Variants in NLGN1 observed in about 807,000 individuals in gnomAD.
The protein encoded by NLGN1 is neuroligin 1, also known as neuroligin-1.
A neutral mutation model predicts 65.5 loss-of-function variants in NLGN1; 12 were observed. The ratio of observed to expected loss-of-function variants is 0.18; its 90% confidence interval spans 0.12 to 0.30. The LOEUF is 0.30. NLGN1 is among the 10% of genes least tolerant of loss of function. The probability of loss-of-function intolerance (pLI) is 1.00; values close to 1 mark genes in which losing one functional copy is unlikely to be tolerated. For missense variants in NLGN1, 750 were observed against 1,007.1 expected (o/e 0.74, Z 3.46); for synonymous variants, 350 against 359.5 (o/e 0.97, Z 0.30).
chr3:173,516,317 A>G (rs767554536), intron 2 of NLGN1, among the ~76,000 whole-genome samples: 4 of 152,050 alleles, frequency 2.6e-5, no homozygotes, highest in Non-Finnish European at 5.9e-5. Flanking sequence ...TCTAATCCAT[A>G]CAACTCTCTT....
Position 174,146,092 on chromosome 3 carries a change from T to TC in NLGN1, c.647-129223_647-129222insC, listed in dbSNP as rs1491495875. 5.2e-5 allele frequency among the ~76,000 whole-genome samples: 7 copies of TC among 134,388 alleles called. No individual in the cohort carries two copies. The East Asian group carries it at 2.4e-3, about 45-fold the overall frequency. The allele number at this position is 134,388 out of a possible 152,430, so 88.2% of individuals were successfully genotyped here. On this transcript the variant is annotated intron_variant, in intron 4 of 6. Coordinates refer to ENST00000457714, the Ensembl canonical transcript of NLGN1. The stretch of plus-strand genomic sequence containing the variant: ...TATAACCTATTAATCTATTCTACTC[T>TC]TTTCCTTCCTTCCTTCCTTCCTTCC...
chr3:173,662,114 T>C (rs1560124387), intron 3 of NLGN1, among the ~76,000 whole-genome samples: 1 of 152,012 alleles, frequency 6.6e-6, no homozygotes. Context: ...GATAAACAAG[T>C]TATCTTTCAC....
chr3:173,822,401 T>C (rs1270798346), intron 4 of NLGN1, among the ~76,000 whole-genome samples: 1 of 152,140 alleles, frequency 6.6e-6, no homozygotes, highest in East Asian at 1.9e-4. Context: ...CATAGGTAAA[T>C]GTTCTAATTG....
intron 4 of NLGN1, among the ~76,000 whole-genome samples, chr3:173,961,326 C>T (rs1387531901): frequency 6.6e-6 from 1 of 151,914 alleles, no homozygotes; most frequent in East Asian, 1.9e-4. Flanking sequence ...AATCAATACC[C>T]AGAACATACG....
chr3:173,934,088 A>G (rs1232656654), intron 4 of NLGN1, among the ~76,000 whole-genome samples: 2 of 151,732 alleles, frequency 1.3e-5, no homozygotes, highest in African/African-American at 2.4e-5. Flanking sequence ...ATCATTAGAG[A>G]AAAACCATAT....
chr3:173,466,621 A>G (rs1335677161), intron 2 of NLGN1, among the ~76,000 whole-genome samples: 1 of 152,188 alleles, frequency 6.6e-6, no homozygotes, highest in African/African-American at 2.4e-5. Context: ...AACTTTTATG[A>G]AGTTGTTTAT....
chr3:174,110,193 C>T (rs1324328624), intron 4 of NLGN1, among the ~76,000 whole-genome samples: 1 of 151,914 alleles, frequency 6.6e-6, no homozygotes, highest in Non-Finnish European at 1.5e-5. Context: ...TGAACATTTC[C>T]CTGATTTGTA....
At chr3:173,446,732 C>G (rs1577509280) in intron 2 of NLGN1, among the ~76,000 whole-genome samples, 1 of 152,166 alleles carries the variant, frequency 6.6e-6, no homozygotes, top group African/African-American at 2.4e-5. Context: ...CCTGTTGTTT[C>G]CTGACTTCGT....
chr3:174,155,037 T>C (rs1367424650), intron 4 of NLGN1, among the ~76,000 whole-genome samples: 1 of 115,488 alleles, frequency 8.7e-6, no homozygotes, highest in Non-Finnish European at 1.7e-5. Flanking sequence ...ATTATAATAA[T>C]ATAATTTATA....
rs141160374 is a variant in NLGN1, at chr3:173,413,543, T to A, written c.-390+15056T>A. On this transcript the variant is annotated intron_variant, in intron 1 of 6. Coordinates refer to ENST00000457714, the Ensembl canonical transcript of NLGN1. ...TGAACCCAGGAGGCAGAGGTTGCAG[T>A]GAGCTGACATCATGCCACTGTACTC... 8.3e-3 allele frequency among the ~76,000 whole-genome samples: 1,269 copies of A among 152,262 alleles called. 15 individuals are homozygous for A. The highest frequency in any genetic ancestry group is 0.029 in the African/African-American group (1,209 of 41,550).
rs1577803083 is a variant in NLGN1 at position 173,660,571 on chromosome 3, G to A, written c.493+55480G>A. ...AAAGCATTACAGTCAATTAAGGGGA[G>A]AATGCCATACTAAGTGATCTTTGGA... On this transcript the variant is annotated intron_variant, in intron 3 of 6. Coordinates refer to ENST00000457714, the Ensembl canonical transcript of NLGN1. Among the ~76,000 whole-genome samples, 3 of 151,860 alleles carry A rather than the reference G, an allele frequency of 2.0e-5. No individual in the cohort carries two copies. In the East Asian group the frequency reaches 5.8e-4, roughly 29 times the overall value.
intron 1 of NLGN1, among the ~76,000 whole-genome samples, chr3:173,425,727 TA>T (rs1715970551): frequency 6.6e-6 from 1 of 152,204 alleles, no homozygotes; most frequent in African/African-American, 2.4e-5. Flanking sequence ...CTGTTTTAGT[TA>T]CTATAGCCTT....
chr3:173,788,259 T>C (rs1432730778), intron 3 of NLGN1, among the ~76,000 whole-genome samples: 1 of 150,290 alleles, frequency 6.7e-6, no homozygotes, highest in East Asian at 1.9e-4. Context: ...TACTTGCTGG[T>C]AATCAATTTC....
chr3:173,810,885 T>C (rs1332955354), intron 4 of NLGN1, among the ~76,000 whole-genome samples: 1 of 152,144 alleles, frequency 6.6e-6, no homozygotes, highest in Non-Finnish European at 1.5e-5. Flanking sequence ...AGAATATCAC[T>C]CTTACTGTGT....
intron 3 of NLGN1, among the ~76,000 whole-genome samples, chr3:173,792,782 C>T (rs1713101258): frequency 6.6e-6 from 1 of 152,094 alleles, no homozygotes; most frequent in Non-Finnish European, 1.5e-5. Flanking sequence ...AGTAGTGGAA[C>T]AATGAAAGTC....
intron 4 of NLGN1, among the ~76,000 whole-genome samples, chr3:174,192,953 A>G (rs1732676633): frequency 1.3e-5 from 2 of 151,950 alleles, no homozygotes; most frequent in African/African-American, 4.8e-5. Context: ...TCGTTTATCC[A>G]TACACTTAAC....
chr3:174,084,816 C>G (rs1287197207), intron 4 of NLGN1, among the ~76,000 whole-genome samples: 1 of 151,946 alleles, frequency 6.6e-6, no homozygotes, highest in Non-Finnish European at 1.5e-5. Flanking sequence ...GAATAATGAG[C>G]TTCAGTCTTG....
At chr3:173,847,822 A>G (rs1309478219) in intron 4 of NLGN1, among the ~76,000 whole-genome samples, 2 of 152,144 alleles carry the variant, frequency 1.3e-5, no homozygotes, top group Admixed American at 1.3e-4. Context: ...CAGTGAACCA[A>G]GATCACATCA....
Position 173,911,917 on chromosome 3 carries a change from A to G in NLGN1, c.646+104085A>G, listed in dbSNP as rs183704020. On this transcript the variant is annotated intron_variant, in intron 4 of 6. Transcript: ENST00000457714. ...TGTCCCTCTGTTTACTAAGAATTCT[A>G]TCTATGCCGATAGAGTTGCAAACAA... Among the ~76,000 whole-genome samples, 576 of 152,308 alleles carry G rather than the reference A, an allele frequency of 3.8e-3. 4 individuals are homozygous for G. Among genetic ancestry groups the G allele is most frequent in the Non-Finnish European group, 5.9e-3 (399 of 68,022 alleles).
Sources: gnomAD v4.1 joint callset for allele counts (sites outside exome capture counted in the v4.1 genomes callset) on GRCh38, gnomAD v4.1.1 for gene constraint, MANE v1.5 for transcripts, NCBI Gene and HGNC (gene_info 2026-07-23, HGNC 2026-07-21) for gene names.